Variants in DHX30 observed in about 807,000 individuals in gnomAD.
DHX30 encodes the protein DExH-box helicase 30, also known as ATP-dependent RNA helicase DHX30.
In DHX30, 4 loss-of-function variants were observed where a neutral mutation model predicts 116.9. The observed-to-expected ratio is 0.03, with a 90% confidence interval of 0.02 to 0.08. The LOEUF (loss-of-function observed/expected upper bound fraction) is 0.08. DHX30 is among the 10% of genes least tolerant of loss of function. The pLI is 1.00. For synonymous variants in DHX30, 697 were observed against 651.7 expected (o/e 1.07, Z -1.06); for missense variants, 871 against 1,595.1 (o/e 0.55, Z 7.73).
At chr3:47,815,723 C>CAAAAAAAAAAAAAAAA (rs11349970) in intron 3 of DHX30, among the ~76,000 whole-genome samples, 15 of 20,758 alleles carry the variant, frequency 7.2e-4, no homozygotes, top group South Asian at 3.0e-3. Context: ...TAAAAAAGAG[C>CAAAAAAAAAAAAAAAA]AAAAAAAAAA....
In DHX30 at chr3:47,850,098, T is replaced by C. The variant is rs1050881457; in HGVS notation, c.3563T>C (p.Val1188Ala). The stretch of plus-strand genomic sequence containing the variant: ...CGAGGACCCTGTGGCAGCTTTGATG[T>C]GCGCAAGACAGCTGACGACTGAGCC... ...LLRGPCGSFD[V>A]RKTADD Residue 1188 changes from valine (V) to alanine (A), a missense_variant, in exon 22 of 22, where the codon GTG becomes GCG. Val to Ala is a moderately conservative substitution (Grantham distance 64). Coordinates refer to ENST00000445061, the MANE Select transcript of DHX30 (RefSeq NM_138615.3). 9 of 1,594,158 alleles carry C rather than the reference T, an allele frequency of 5.6e-6. No homozygotes were observed. Among genetic ancestry groups the C allele is most frequent in the Non-Finnish European group, 7.7e-6 (9 of 1,172,928 alleles).
chr3:47,841,273 G>C lies in DHX30; in HGVS notation c.668+95G>C, dbSNP rs577237890. 649 of 1,500,088 alleles carry C rather than the reference G, an allele frequency of 4.3e-4. No individual in the cohort carries two copies. In the African/African-American group the frequency reaches 7.7e-3, roughly 18 times the overall value. 92.9% of individuals were successfully genotyped at this position (1,500,088 alleles called of 1,614,324 possible). A position where few individuals can be genotyped will look rare whatever the true frequency, so the allele number is the denominator to read the frequency against. On this transcript the variant is annotated intron_variant, in intron 7 of 21. Transcript: ENST00000445061. ...TGCTAGCTTTCTCTGAGATGGGAGC[G>C]CCCCTGCCTCACATTTCAGCCTGTG...
intron 5 of DHX30, among the ~76,000 whole-genome samples, chr3:47,827,971 G>A (rs1056652701): frequency 3.3e-5 from 5 of 152,036 alleles, no homozygotes; most frequent in Non-Finnish European, 4.4e-5. Flanking sequence ...TGATCCTCCC[G>A]CCTCAGCCTC....
chr3:47,829,848 T>A (rs1032973202), intron 6 of DHX30, among the ~76,000 whole-genome samples: 28 of 152,160 alleles, frequency 1.8e-4, no homozygotes, highest in South Asian at 8.3e-4. Flanking sequence ...TAATTTTTTT[T>A]AATTTTTGTT....
chr3:47,814,581 GTC>G (rs2035965873), intron 3 of DHX30, among the ~76,000 whole-genome samples: 1 of 152,024 alleles, frequency 6.6e-6, no homozygotes, highest in South Asian at 2.1e-4. Flanking sequence ...GGGAGACCCT[GTC>G]TCTCTGTATT....
intron 4 of DHX30, among the ~76,000 whole-genome samples, chr3:47,827,090 G>A (rs1415749078): frequency 6.6e-6 from 1 of 152,172 alleles, no homozygotes; most frequent in Admixed American, 6.6e-5. Context: ...GCGGAGAAGA[G>A]GATGCTGGTA....
At position 47,827,421 on chromosome 3, in the gene DHX30, A is replaced by G; in HGVS notation, c.199A>G (p.Ile67Val). ...LNSVIGRALG[I>V]SHAKDKLVYV... is the part of the protein sequence containing the mutation. ...CAGTGTGATTGGAAGAGCCCTCGGC[A>G]TCTCACATGCAAAAGACAAACTAGT... The change falls in exon 5 of 22, where the codon ATC (isoleucine) becomes GTC (valine). Residue 67 changes from isoleucine to valine, a missense_variant. Transcript: ENST00000445061. 6.2e-7 allele frequency: 1 copy of G among 1,614,112 alleles called. No individual in the cohort carries two copies. Among genetic ancestry groups the G allele is most frequent in the Non-Finnish European group, 8.5e-7 (1 of 1,179,978 alleles).
In DHX30 at chr3:47,847,090, C is replaced by T. The variant is rs1317573882; in HGVS notation, c.1929+89C>T. 1.3e-6 allele frequency: 2 copies of T among 1,517,366 alleles called. No homozygotes were observed. The highest frequency in any genetic ancestry group is 1.4e-5 in the African/African-American group (1 of 73,012). 94.0% of individuals were successfully genotyped at this position (1,517,366 alleles called of 1,614,324 possible). On this transcript the variant is annotated intron_variant, in intron 11 of 21. Transcript: ENST00000445061. The surrounding 1 kb of genome is among the most constrained non-coding windows in gnomAD (Gnocchi z 5.5). ...TGGCCCTGGGGCTTGGTGCCTGGGG[C>T]AAGTTACCCTCCCCAGTCCTCGGTT...
At chr3:47,845,308 C>T (rs1193132847) in intron 9 of DHX30, among the ~76,000 whole-genome samples, 4 of 152,112 alleles carry the variant, frequency 2.6e-5, no homozygotes, top group Non-Finnish European at 5.9e-5. Context: ...GTGCCTCAGC[C>T]TCCCTAGTAG....
At chr3:47,803,270 G>A (rs1049838155) in intron 1 of DHX30, 58 bp downstream of exon 1, 18 of 390,108 alleles carry the variant, frequency 4.6e-5, no homozygotes, top group Non-Finnish European at 4.5e-5. Context: ...TGCCGCGGCC[G>A]GGGGTGGTCG....
chr3:47,811,400 AT>A (rs2106944031), intron 3 of DHX30, among the ~76,000 whole-genome samples: 1 of 151,982 alleles, frequency 6.6e-6, no homozygotes, highest in East Asian at 1.9e-4. Flanking sequence ...TGAATTAATC[AT>A]TTTGTCACTA....
Position 47,827,339 on chromosome 3 carries a change from T to G in DHX30, c.125-8T>G, listed in dbSNP as rs1367448137. 6.3e-7 allele frequency: 1 copy of G among 1,596,856 alleles called. No individual in the cohort carries two copies. The highest frequency in any genetic ancestry group is 8.5e-7 in the Non-Finnish European group (1 of 1,175,614). ...ACAACTGTAATGCTTTTGTTCTTATTTTCTTAGCTTCTAGGGACCTATTAA... is the reference window on the plus strand; with the variant it reads ...ACAACTGTAATGCTTTTGTTCTTATGTTCTTAGCTTCTAGGGACCTATTAA... On this transcript the variant is annotated splice_polypyrimidine_tract_variant and splice_region_variant and intron_variant, in intron 4 of 21. Transcript: ENST00000445061.
intron 9 of DHX30, among the ~76,000 whole-genome samples, chr3:47,843,536 T>C (rs960999272): frequency 2.0e-5 from 3 of 152,180 alleles, no homozygotes; most frequent in South Asian, 4.1e-4. Flanking sequence ...TTGTTCTGAA[T>C]AGTATAAAGC....
At chr3:47,825,401 G>C (rs944151671) in intron 4 of DHX30, among the ~76,000 whole-genome samples, 3 of 152,270 alleles carry the variant, frequency 2.0e-5, no homozygotes, top group Admixed American at 6.5e-5. Flanking sequence ...CGGCCTTGCT[G>C]TTTGTAAAGC....
chr3:47,813,842 TC>T (rs1206346718), intron 3 of DHX30, among the ~76,000 whole-genome samples: 1 of 149,770 alleles, frequency 6.7e-6, no homozygotes, highest in African/African-American at 2.5e-5. Context: ...CTCCAGCCAC[TC>T]CATCTGTTTT....
chr3:47,819,878 G>A (rs1342083058), intron 4 of DHX30, among the ~76,000 whole-genome samples: 1 of 152,066 alleles, frequency 6.6e-6, no homozygotes, highest in Non-Finnish European at 1.5e-5. Flanking sequence ...CCTGTCACTC[G>A]GCCCCACCTA....
chr3:47,813,199 C>T (rs998401552), intron 3 of DHX30, among the ~76,000 whole-genome samples: 3 of 151,894 alleles, frequency 2.0e-5, no homozygotes, highest in South Asian at 2.1e-4. Context: ...AAAAATTAGC[C>T]GGGTGCGGTG....
chr3:47,826,307 G>T (rs1016904690), intron 4 of DHX30, among the ~76,000 whole-genome samples: 1 of 152,026 alleles, frequency 6.6e-6, no homozygotes, highest in African/African-American at 2.4e-5. Flanking sequence ...TTCCCTTTCT[G>T]CTCTGAGATT....
At chr3:47,843,525 A>G (rs1257489620) in intron 9 of DHX30, among the ~76,000 whole-genome samples, 22 of 152,162 alleles carry the variant, frequency 1.4e-4, no homozygotes, top group Admixed American at 1.4e-3. Context: ...AAACTTGCTC[A>G]TTGTTCTGAA....
Sources: allele counts gnomAD v4.1 joint callset (sites outside exome capture counted in the v4.1 genomes callset), GRCh38; gene constraint gnomAD v4.1.1; non-coding constraint Gnocchi (gnomAD v3.1); transcripts MANE v1.5; gene names NCBI Gene and HGNC (gene_info 2026-07-23, HGNC 2026-07-21).